The following DDX60 variants were observed in gnomAD, a reference collection of about 807,000 sequenced individuals.
DDX60 encodes DExD/H-box helicase 60, also known as probable ATP-dependent RNA helicase DDX60.
DDX60 carries 165 observed loss-of-function variants against 212.8 expected under a neutral mutation model. The ratio of observed to expected loss-of-function variants is 0.78; its 90% confidence interval spans 0.68 to 0.88. DDX60 has a LOEUF of 0.88. Ranked by LOEUF, DDX60 falls within the 40% of genes least tolerant of loss-of-function variation. DDX60 has a pLI of 0.00. For synonymous variants in DDX60, 703 were observed against 685.3 expected (o/e 1.03, Z -0.40); for missense variants, 1,905 against 2,003.9 (o/e 0.95, Z 0.94).
Position 168,242,977 on chromosome 4 carries a change from T to C in DDX60, c.4164+3441A>G, listed in dbSNP as rs866380656. Among the ~76,000 whole-genome samples, 10 of 152,184 alleles carry C rather than the reference T, an allele frequency of 6.6e-5. No individual in the cohort carries two copies. The South Asian group carries it at 1.9e-3, about 28-fold the overall frequency. On this transcript the variant is annotated intron_variant, in intron 30 of 37. Coordinates refer to ENST00000393743, the MANE Select transcript of DDX60 (RefSeq NM_017631.6). ...GCGGGTCTTTCCCATGCTGTTCTCA[T>C]GATAACGAATAAGTATTATGAGATC...
At chr4:168,302,468 A>G (rs755796233) in intron 5 of DDX60, 52 bp from the exon 6 acceptor site, 8 of 778,932 alleles carry the variant, frequency 1.0e-5, no homozygotes, top group Non-Finnish European at 1.5e-5. Context: ...ATATGTAATT[A>G]TTTTCCAACT....
At chr4:168,237,870 T>C in intron 30 of DDX60, 75 bp from the exon 31 acceptor site, 1 of 1,088,832 alleles carries the variant, frequency 9.2e-7, no homozygotes, top group Non-Finnish European at 1.3e-6. Flanking sequence ...TAATAAATGA[T>C]AGATCAATAT....
chr4:168,246,242 C>T (rs1334152507), intron 30 of DDX60, among the ~76,000 whole-genome samples, 176 bp downstream of exon 30: 1 of 152,098 alleles, frequency 6.6e-6, no homozygotes, highest in Admixed American at 6.5e-5. Flanking sequence ...TGGAAACAAA[C>T]AAAACTGTTA....
At chr4:168,302,503 T>A (rs563242189) in intron 5 of DDX60, 87 bp from the exon 6 acceptor site, 1 of 572,158 alleles carries the variant, frequency 1.7e-6, no homozygotes, top group African/African-American at 1.9e-5. Context: ...ATTTTAGATA[T>A]AATTATGTTA....
intron 33 of DDX60, among the ~76,000 whole-genome samples, chr4:168,229,569 G>A (rs752070091): frequency 1.3e-5 from 2 of 152,010 alleles, no homozygotes; most frequent in Non-Finnish European, 2.9e-5. Context: ...GTGGGGAGGT[G>A]TGAAACCCAA....
chr4:168,265,845 GGGAA>G (rs398051405), intron 22 of DDX60, among the ~76,000 whole-genome samples: 5 of 17,438 alleles, frequency 2.9e-4, no homozygotes, highest in African/African-American at 8.1e-4. Context: ...AGGAAGGGAA[GGGAA>G]GGGAAGGGAA....
At chr4:168,228,551 T>A (rs372383307) in intron 33 of DDX60, among the ~76,000 whole-genome samples, 1 of 152,060 alleles carries the variant, frequency 6.6e-6, no homozygotes, top group African/African-American at 2.4e-5. Context: ...CCAGAGATTA[T>A]AAGATATAGC....
intron 8 of DDX60, among the ~76,000 whole-genome samples, chr4:168,291,171 G>C (rs927150273): frequency 1.3e-5 from 2 of 152,132 alleles, no homozygotes; most frequent in East Asian, 3.9e-4. Context: ...TACTAATATT[G>C]TGAAAGGAAA....
chr4:168,249,017 C>T (rs1470112642), intron 28 of DDX60, among the ~76,000 whole-genome samples: 1 of 152,186 alleles, frequency 6.6e-6, no homozygotes, highest in African/African-American at 2.4e-5. Flanking sequence ...ACTTTGCCCT[C>T]CCAAAATGCT....
At chr4:168,264,067 A>G (rs1366100757) in intron 22 of DDX60, among the ~76,000 whole-genome samples, 3 of 152,208 alleles carry the variant, frequency 2.0e-5, no homozygotes, top group Non-Finnish European at 2.9e-5. Context: ...GGGCTAAAAA[A>G]GCCACTCCAA....
In DDX60 at chr4:168,268,862, A is replaced by G; in HGVS notation, c.2778T>C (p.His926=). 6.5e-7 allele frequency: 1 copy of G among 1,545,530 alleles called. No homozygotes were observed. The highest frequency in any genetic ancestry group is 1.2e-5 in the South Asian group (1 of 80,474). ...ALSATISNPE[H]LTEWLQSVKW... ...TGAAACTTAATGCCTACTCGGTGAG[A>G]TGTTCAGGATTACTTATGGTAGCTG... is the stretch of plus-strand genomic sequence containing the variant. The change falls in exon 20 of 38, where the codon CAT becomes CAC. Residue 926 remains histidine, a synonymous_variant. Coordinates refer to ENST00000393743, the MANE Select transcript of DDX60 (RefSeq NM_017631.6).
chr4:168,254,541 T>C (rs1380867788), intron 26 of DDX60, among the ~76,000 whole-genome samples: 1 of 152,188 alleles, frequency 6.6e-6, no homozygotes, highest in Admixed American at 6.5e-5. Flanking sequence ...TATGGAATAA[T>C]ATTACCTGCC....
In DDX60 at chr4:168,237,340, C is replaced by T; in HGVS notation, c.4357G>A (p.Val1453Ile). The T allele has an allele frequency of 6.3e-7, 1 of 1,591,998 alleles. No individual in the cohort carries two copies. Among genetic ancestry groups the T allele is most frequent in the Non-Finnish European group, 8.5e-7 (1 of 1,169,758 alleles). Residue 1453 changes from valine (V) to isoleucine (I), a missense_variant, in exon 32 of 38, where the codon GTC becomes ATC. Transcript: ENST00000393743. ...HYHEPSNLVF[V>I]SFLVNGLFHD... ...AAGAGTCCATTTACAAGAAAACTGA[C>T]AAAAACAAGATTAGAAGGTTCATGA... is the stretch of plus-strand genomic sequence containing the variant.
upstream of DDX60, among the ~76,000 whole-genome samples, chr4:168,319,145 G>A (rs1464875433): frequency 6.6e-6 from 1 of 151,948 alleles, no homozygotes; most frequent in Non-Finnish European, 1.5e-5. Flanking sequence ...TACATGTATT[G>A]AAACGTCACA....
rs1333908258 is a variant in DDX60 at position 168,276,185 on chromosome 4, G to GATAAACA, written c.1979-11_1979-5dup. 3 of 1,590,370 alleles carry GATAAACA rather than the reference G, an allele frequency of 1.9e-6. No individual in the cohort carries two copies. The highest frequency in any genetic ancestry group is 4.5e-5 in the East Asian group (2 of 44,368). On this transcript the variant is annotated splice_region_variant and splice_polypyrimidine_tract_variant and intron_variant, in intron 14 of 37. Coordinates refer to ENST00000393743, the MANE Select transcript of DDX60 (RefSeq NM_017631.6). ...CTTAAATCTTTCGTGGTTTTACCTT[G>GATAAACA]ATAAACAATAAACAATAAAATTGTT...
chr4:168,243,753 G>A (rs1279666905), intron 30 of DDX60, among the ~76,000 whole-genome samples: 2 of 152,126 alleles, frequency 1.3e-5, no homozygotes, highest in African/African-American at 4.8e-5. Flanking sequence ...TTCCATTGCT[G>A]GGTATATGCC....
At chr4:168,246,327 T>C in intron 30 of DDX60, 91 bp downstream of exon 30, 3 of 1,432,796 alleles carry the variant, frequency 2.1e-6, no homozygotes, top group Non-Finnish European at 2.9e-6. Flanking sequence ...AACTCAAGGG[T>C]GATTGCTACA....
intron 14 of DDX60, among the ~76,000 whole-genome samples, chr4:168,279,360 TC>T (rs1403468639): frequency 6.6e-6 from 1 of 152,216 alleles, no homozygotes; most frequent in Non-Finnish European, 1.5e-5. Context: ...TATTTTTACC[TC>T]CAAATACAAA....
intron 6 of DDX60, among the ~76,000 whole-genome samples, chr4:168,299,638 ATAAAT>A (rs545645782): frequency 2.4e-3 from 361 of 152,276 alleles, no homozygotes; most frequent in African/African-American, 7.5e-3. Flanking sequence ...ATGAAACAAG[ATAAAT>A]TAAATCACAA....
Sources: allele counts gnomAD v4.1 joint callset (sites outside exome capture counted in the v4.1 genomes callset), GRCh38; gene constraint gnomAD v4.1.1; transcripts MANE v1.5; gene names NCBI Gene and HGNC (gene_info 2026-07-23, HGNC 2026-07-21).